The following COL6A6 variants were observed in gnomAD, a reference collection of about 807,000 sequenced individuals.
COL6A6 encodes the protein collagen alpha-6(VI) chain.
Under a neutral mutation model 208.6 loss-of-function variants are expected in COL6A6, and 183 were observed. The ratio of observed to expected loss-of-function variants is 0.88; its 90% CI spans 0.78 to 0.99. The LOEUF (loss-of-function observed/expected upper bound fraction) is 0.99, where lower values mean the gene tolerates loss of function less well. Ranked by LOEUF, COL6A6 falls within the 50% of genes least tolerant of loss-of-function variation. COL6A6 has a pLI of 0.00. For missense variants in COL6A6, 2,816 were observed against 2,815.2 expected (o/e 1.00, Z -0.01); for synonymous variants, 973 against 1,011.8 (o/e 0.96, Z 0.73).
intron 23 of COL6A6, among the ~76,000 whole-genome samples, chr3:130,617,946 T>C (rs578015477): frequency 1.3e-5 from 2 of 152,192 alleles, no homozygotes; most frequent in Non-Finnish European, 2.9e-5. Context: ...CGTTAACCTC[T>C]AAACACTTCT....
Position 130,565,615 on chromosome 3 carries a change from G to A in COL6A6, c.1282+1G>A, listed in dbSNP as rs200519575. On this transcript the variant is annotated splice_donor_variant, in intron 4 of 36. Transcript: ENST00000358511. LOFTEE classifies it high-confidence loss of function. ...GAGAGGACTGAAACGCTCAAATCTGGTAAGGTCTTCTGCTGAAAGAAGGGT... is the reference window on the plus strand; with the variant it reads ...GAGAGGACTGAAACGCTCAAATCTGATAAGGTCTTCTGCTGAAAGAAGGGT... The A allele has an allele frequency of 1.3e-5, 21 of 1,606,760 alleles. No homozygotes were observed. In the Middle Eastern group the frequency reaches 5.0e-4, roughly 38 times the overall value.
chr3:130,673,549 G>A (rs571412307), intron 36 of COL6A6, among the ~76,000 whole-genome samples: 18 of 152,244 alleles, frequency 1.2e-4, no homozygotes, highest in African/African-American at 3.6e-4. Flanking sequence ...CATGAAAACA[G>A]CGTGCTTCAG....
At chr3:130,605,047 C>T (rs968885068) in intron 20 of COL6A6, among the ~76,000 whole-genome samples, 7 of 152,210 alleles carry the variant, frequency 4.6e-5, no homozygotes, top group Non-Finnish European at 8.8e-5. Flanking sequence ...ACACTTTTGA[C>T]ACAGATGGCC....
At chr3:130,547,522 C>T (rs1456246462) in intron 1 of COL6A6, among the ~76,000 whole-genome samples, 3 of 152,306 alleles carry the variant, frequency 2.0e-5, no homozygotes, top group Non-Finnish European at 4.4e-5. Context: ...AGTGCAGTGG[C>T]GGGCTGAAGG....
At chr3:130,577,947 T>C (rs2063334355) in intron 8 of COL6A6, among the ~76,000 whole-genome samples, 1 of 152,222 alleles carries the variant, frequency 6.6e-6, no homozygotes, top group Non-Finnish European at 1.5e-5. Context: ...GACTTAAATA[T>C]TTTAGCCACA....
intron 19 of COL6A6, among the ~76,000 whole-genome samples, chr3:130,598,833 G>A (rs1364803936): frequency 6.6e-6 from 1 of 152,184 alleles, no homozygotes; most frequent in Non-Finnish European, 1.5e-5. Context: ...ACAAGATCTG[G>A]TAGATAGACG....
intron 33 of COL6A6, among the ~76,000 whole-genome samples, chr3:130,654,297 A>AT (rs5852604): frequency 2.6e-5 from 4 of 151,380 alleles, no homozygotes; most frequent in South Asian, 2.1e-4. Flanking sequence ...ATGTTCCATG[A>AT]TTTTTTTTTC....
At chr3:130,631,180 G>T (rs2064999490) in intron 26 of COL6A6, among the ~76,000 whole-genome samples, 1 of 45,206 alleles carries the variant, frequency 2.2e-5, no homozygotes, top group Non-Finnish European at 3.2e-5. Flanking sequence ...AAAGAGAGAA[G>T]AATCAAATAG....
intron 35 of COL6A6, among the ~76,000 whole-genome samples, chr3:130,664,214 C>T (rs79080879): frequency 1.6e-3 from 238 of 152,328 alleles, no homozygotes; most frequent in African/African-American, 5.3e-3. Flanking sequence ...CCATCTGATA[C>T]TTAACACAGA....
intron 1 of COL6A6, among the ~76,000 whole-genome samples, chr3:130,531,533 A>G (rs1349273841): frequency 6.6e-6 from 1 of 152,192 alleles, no homozygotes; most frequent in African/African-American, 2.4e-5. Flanking sequence ...TTTCCCCATC[A>G]AAACACTGTC....
intron 33 of COL6A6, among the ~76,000 whole-genome samples, chr3:130,650,231 C>T (rs1393768028): frequency 1.3e-5 from 2 of 152,166 alleles, no homozygotes; most frequent in East Asian, 1.9e-4. Flanking sequence ...AAGGGTCCTT[C>T]CAGTTGGCCT....
chr3:130,599,815 G>A lies in COL6A6; in HGVS notation c.4653+5G>A. 6.2e-7 allele frequency: 1 copy of A among 1,613,640 alleles called. No individual in the cohort carries two copies. Among genetic ancestry groups the A allele is most frequent in the Non-Finnish European group, 8.5e-7 (1 of 1,179,680 alleles). On this transcript the variant is annotated splice_donor_5th_base_variant and intron_variant, in intron 20 of 36. Transcript: ENST00000358511. ...CCAGGCTCCAGAAGAAAGACAGTAA[G>A]AGCCCTTCTAGACAAGGAGACCCAC...
intron 26 of COL6A6, among the ~76,000 whole-genome samples, chr3:130,628,116 G>A (rs1166930964): frequency 6.6e-6 from 1 of 152,096 alleles, no homozygotes; most frequent in Non-Finnish European, 1.5e-5. Flanking sequence ...AAATCCCAAC[G>A]GGAATAATGC....
intron 23 of COL6A6, among the ~76,000 whole-genome samples, chr3:130,615,548 T>C (rs1039711937): frequency 2.0e-5 from 3 of 152,212 alleles, no homozygotes; most frequent in African/African-American, 7.2e-5. Context: ...GCATGTTAAT[T>C]ATTGCTTGTG....
intron 1 of COL6A6, among the ~76,000 whole-genome samples, chr3:130,542,622 T>C (rs1206773399): frequency 6.6e-6 from 1 of 152,210 alleles, no homozygotes; most frequent in Non-Finnish European, 1.5e-5. Flanking sequence ...TAGAGGGGTA[T>C]TGAAGTCTTC....
intron 36 of COL6A6, among the ~76,000 whole-genome samples, chr3:130,668,078 C>G (rs992274215): frequency 9.3e-5 from 14 of 151,190 alleles, no homozygotes; most frequent in Non-Finnish European, 2.1e-4. Flanking sequence ...GGCACAAAGA[C>G]AGCAGAATCA....
intron 26 of COL6A6, among the ~76,000 whole-genome samples, chr3:130,628,656 C>T (rs1274228296): frequency 2.0e-5 from 3 of 152,016 alleles, no homozygotes; most frequent in Non-Finnish European, 4.4e-5. Flanking sequence ...AACAGAGGAC[C>T]CTAAAATGAA....
At chr3:130,530,580 A>G (rs1358256122) in intron 1 of COL6A6, among the ~76,000 whole-genome samples, 1 of 152,172 alleles carries the variant, frequency 6.6e-6, no homozygotes, top group Non-Finnish European at 1.5e-5. Context: ...TCTGAGTTTT[A>G]TTTCCTTTGT....
chr3:130,547,005 A>G (rs1483756108), intron 1 of COL6A6, among the ~76,000 whole-genome samples: 1 of 152,246 alleles, frequency 6.6e-6, no homozygotes, highest in Non-Finnish European at 1.5e-5. Context: ...GGCTTCCCCT[A>G]GTGGATCCTG....
Sources: gnomAD v4.1 joint callset for allele counts (sites outside exome capture counted in the v4.1 genomes callset) on GRCh38, gnomAD v4.1.1 for gene constraint, MANE v1.5 for transcripts, NCBI Gene and HGNC (gene_info 2026-07-23, HGNC 2026-07-21) for gene names.